RRBP1: variants seen among roughly 807,000 people sequenced by gnomAD.
RRBP1 encodes ribosome-binding protein 1.
Under a neutral mutation model 165.2 loss-of-function variants are expected in RRBP1, and 94 were observed. The observed-to-expected ratio is 0.57, with a 90% CI of 0.48 to 0.68. The LOEUF is 0.68. Among genes scored for constraint, RRBP1 ranks in the 30% least tolerant of loss-of-function variants. The pLI is 0.00. For missense variants in RRBP1, 1,676 were observed against 1,763.0 expected (o/e 0.95, Z 0.88); for synonymous variants, 680 against 714.5 (o/e 0.95, Z 0.77).
chr20:17,669,604 A>G (rs2036936706), intron 2 of RRBP1, among the ~76,000 whole-genome samples: 1 of 152,254 alleles, frequency 6.6e-6, no homozygotes, highest in South Asian at 2.1e-4. Flanking sequence ...GTATACCATT[A>G]TAAGGATCAA....
At chr20:17,620,092 G>T (rs1479230322) in intron 18 of RRBP1, among the ~76,000 whole-genome samples, 1 of 152,150 alleles carries the variant, frequency 6.6e-6, no homozygotes. Context: ...CACAGGGCCC[G>T]TGGCTGGGTC....
rs778438076 is a variant in RRBP1, at chr20:17,636,569, A to G, written c.2337+8T>C. 5 of 1,609,820 alleles carry G rather than the reference A, an allele frequency of 3.1e-6. No individual in the cohort carries two copies. The highest frequency in any genetic ancestry group is 4.2e-6 in the Non-Finnish European group (5 of 1,179,694). On this transcript the variant is annotated splice_region_variant and intron_variant, in intron 6 of 24. Coordinates refer to ENST00000377813, the MANE Select transcript of RRBP1 (RefSeq NM_001365613.2). ...CCTTCCCATGCCCCCGCCAGCCACT[A>G]CACCCACCTTGCCCTGCAGCTGCTG...
At chr20:17,640,887 G>A (rs985189563) in intron 5 of RRBP1, among the ~76,000 whole-genome samples, 2 of 152,246 alleles carry the variant, frequency 1.3e-5, no homozygotes, top group African/African-American at 2.4e-5. Flanking sequence ...AAGGCACCCG[G>A]AAGAAGGGCT....
intron 2 of RRBP1, among the ~76,000 whole-genome samples, chr20:17,666,746 A>G (rs1259607609): frequency 3.9e-5 from 6 of 152,248 alleles, no homozygotes; most frequent in Non-Finnish European, 8.8e-5. Context: ...ACTACTTCTA[A>G]TGTTTTACTA....
intron 2 of RRBP1, among the ~76,000 whole-genome samples, chr20:17,674,240 C>T (rs2037032331): frequency 6.6e-6 from 1 of 152,106 alleles, no homozygotes; most frequent in African/African-American, 2.4e-5. Flanking sequence ...CTAAAATCAA[C>T]AGGAGAGAAG....
At chr20:17,681,856 TCCGACC>T (rs530105915) in intron 1 of RRBP1, among the ~76,000 whole-genome samples, 166 bp downstream of exon 1, 4 of 147,890 alleles carry the variant, frequency 2.7e-5, no homozygotes, top group African/African-American at 9.8e-5. Flanking sequence ...CCGCCCCGAG[TCCGACC>T]CCGACCCCGA....
At chr20:17,663,222 C>T (rs1488802247) in intron 2 of RRBP1, among the ~76,000 whole-genome samples, 1 of 152,216 alleles carries the variant, frequency 6.6e-6, no homozygotes, top group African/African-American at 2.4e-5. Flanking sequence ...GGCCTGTTCA[C>T]AGCCGAGGAC....
At chr20:17,623,705 G>A (rs1374045878) in intron 13 of RRBP1, among the ~76,000 whole-genome samples, 1 of 152,208 alleles carries the variant, frequency 6.6e-6, no homozygotes, top group Non-Finnish European at 1.5e-5. Context: ...GCCAAGGCAG[G>A]CAGATCACTT....
At chr20:17,673,091 C>T (rs1428359843) in intron 2 of RRBP1, among the ~76,000 whole-genome samples, 1 of 152,142 alleles carries the variant, frequency 6.6e-6, no homozygotes, top group Non-Finnish European at 1.5e-5. Flanking sequence ...TGCGTAGACT[C>T]GTGATAGTGC....
chr20:17,655,516 C>A (rs912825678), intron 3 of RRBP1, among the ~76,000 whole-genome samples: 5 of 152,222 alleles, frequency 3.3e-5, no homozygotes, highest in Non-Finnish European at 1.5e-5. Context: ...GTGACCATGT[C>A]TTTGCAGGTT....
chr20:17,644,983 T>A (rs2036436567), intron 3 of RRBP1, among the ~76,000 whole-genome samples: 1 of 152,240 alleles, frequency 6.6e-6, no homozygotes, highest in Admixed American at 6.5e-5. Context: ...TGGCTCACAT[T>A]CTGTTTCTCC....
At chr20:17,661,752 C>A (rs986129898) in intron 2 of RRBP1, among the ~76,000 whole-genome samples, 4 of 152,124 alleles carry the variant, frequency 2.6e-5, no homozygotes, top group African/African-American at 9.7e-5. Flanking sequence ...CATTGCCCTG[C>A]AAAACCTCTA....
Position 17,614,074 on chromosome 20 carries a change from C to G in RRBP1, c.*108G>C, listed in dbSNP as rs765199380. The G allele has an allele frequency of 1.5e-5, 17 of 1,102,526 alleles. No homozygotes were observed. The highest frequency in any genetic ancestry group is 1.0e-4 in the Admixed American group (6 of 57,980). The allele number at this position is 1,102,526 out of a possible 1,614,324, so 68.3% of individuals were successfully genotyped here. A position where few individuals can be genotyped will look rare whatever the true frequency, so the allele number is the denominator to read the frequency against. On this transcript the variant is annotated 3_prime_UTR_variant, in exon 25 of 25. Transcript: ENST00000377813. ...CTCTCATGGCTTCTCTCGGAGCTAC[C>G]GGAAGTTGGGCCTGGATAACGCTGT...
intron 21 of RRBP1, 113 bp from the exon 22 acceptor site, chr20:17,616,122 C>T (rs1466783614): frequency 1.2e-6 from 1 of 834,622 alleles, no homozygotes; most frequent in East Asian, 2.8e-5. Flanking sequence ...CTTTCCCTGC[C>T]CCAACGCTCC....
At chr20:17,618,569 T>C (rs2328181) in intron 20 of RRBP1, 27 bp downstream of exon 20, 1,569,282 of 1,583,936 alleles carry the variant, frequency 0.99, 777,431 homozygotes, top group South Asian at 1. Context: ...GTCACACTCC[T>C]GGCATGGGGA....
intron 13 of RRBP1, 23 bp from the exon 14 acceptor site, chr20:17,621,970 C>A (rs778633336): frequency 6.3e-7 from 1 of 1,591,206 alleles, no homozygotes; most frequent in Non-Finnish European, 8.6e-7. Context: ...TGGGGAAGAG[C>A]GGAAGGTGTT....
intron 19 of RRBP1, chr20:17,619,313 C>CAGA: frequency 3.4e-6 from 1 of 291,538 alleles, no homozygotes; most frequent in Non-Finnish European, 6.4e-6. Flanking sequence ...CACTCCCCAC[C>CAGA]AGATATGACA....
chr20:17,620,778 G>C lies in RRBP1; in HGVS notation c.3444C>G (p.Ser1148Arg). Residue 1148 changes from serine to arginine, a missense_variant, in exon 17 of 25, where the codon AGC becomes AGG. By Grantham distance (110) the Ser-to-Arg change is moderately radical (BLOSUM62 -1). Coordinates refer to ENST00000377813, the MANE Select transcript of RRBP1 (RefSeq NM_001365613.2). ...TEGMLRDLQK[S>R]VEEEEQVWRA... ...TCCACACCTGCTCCTCCTCCTCCAC[G>C]CTCTTCTGCAGGTCTCTGAGCATGC... The C allele has an allele frequency of 1.2e-6, 2 of 1,608,684 alleles. No individual in the cohort carries two copies. Among genetic ancestry groups the C allele is most frequent in the Non-Finnish European group, 1.7e-6 (2 of 1,179,704 alleles).
At chr20:17,656,969 T>C (rs1242288938) in intron 3 of RRBP1, among the ~76,000 whole-genome samples, 1 of 152,210 alleles carries the variant, frequency 6.6e-6, no homozygotes, top group African/African-American at 2.4e-5. Context: ...TACCTGCAAA[T>C]TAGAACAATT....
Sources: allele counts gnomAD v4.1 joint callset (sites outside exome capture counted in the v4.1 genomes callset), GRCh38; gene constraint gnomAD v4.1.1; transcripts MANE v1.5; gene names NCBI Gene and HGNC (gene_info 2026-07-23, HGNC 2026-07-21).